MALRD1: variants seen among roughly 807,000 people sequenced by gnomAD.
MALRD1 encodes MAM and LDL-receptor class A domain-containing protein 1.
In MALRD1, 247 loss-of-function variants were observed where a neutral mutation model predicts 242.1. That is an observed-to-expected ratio of 1.02 (90% CI 0.92 to 1.13). The LOEUF is 1.13. Ranked by LOEUF, MALRD1 falls within the 50% of genes most tolerant of loss-of-function variation. MALRD1 has a pLI of 0.00. For synonymous variants in MALRD1, 995 were observed against 866.6 expected, an observed-to-expected ratio of 1.15 and a Z score of -2.60; for missense variants, 2,989 against 2,533.1, an observed-to-expected ratio of 1.18 and a Z score of -3.86.
At chr10:19,517,958 T>C (rs1359007774) in intron 31 of MALRD1, among the ~76,000 whole-genome samples, 1 of 152,216 alleles carries the variant, frequency 6.6e-6, no homozygotes, top group Admixed American at 6.5e-5. Context: ...AGATATGACT[T>C]ATAAATCAGG....
At chr10:19,070,135 A>C (rs1397350582) in intron 2 of MALRD1, among the ~76,000 whole-genome samples, 1 of 152,148 alleles carries the variant, frequency 6.6e-6, no homozygotes, top group East Asian at 1.9e-4. Flanking sequence ...TTCTACTGAT[A>C]ATCCTATCCA....
At chr10:19,646,114 A>T (rs1054859461) in intron 36 of MALRD1, among the ~76,000 whole-genome samples, 16 of 152,076 alleles carry the variant, frequency 1.1e-4, no homozygotes, top group Admixed American at 3.3e-4. Flanking sequence ...AAAACATGAG[A>T]CTGTTTCTTC....
intron 29 of MALRD1, among the ~76,000 whole-genome samples, chr10:19,476,683 G>A (rs369797026): frequency 3.3e-5 from 5 of 152,116 alleles, no homozygotes; most frequent in African/African-American, 4.8e-5. Flanking sequence ...TAGCCTGAGC[G>A]GTCATCTCGA....
chr10:19,727,664 C>G (rs758638693), intron 38 of MALRD1, among the ~76,000 whole-genome samples: 8 of 151,924 alleles, frequency 5.3e-5, no homozygotes, highest in Non-Finnish European at 1.2e-4. Flanking sequence ...TGGTTATATT[C>G]TTTAGAACCT....
intron 38 of MALRD1, among the ~76,000 whole-genome samples, chr10:19,696,253 G>A (rs1038744852): frequency 3.3e-5 from 5 of 152,174 alleles, no homozygotes; most frequent in African/African-American, 1.2e-4. Flanking sequence ...CTCATTCCTA[G>A]TATGGGTTCC....
chr10:19,728,198 A>G (rs1191758291), intron 38 of MALRD1, among the ~76,000 whole-genome samples: 1 of 152,174 alleles, frequency 6.6e-6, no homozygotes, highest in African/African-American at 2.4e-5. Flanking sequence ...CAATACTCAC[A>G]CTGAAACCCT....
intron 38 of MALRD1, among the ~76,000 whole-genome samples, chr10:19,693,436 A>C (rs578060781): frequency 1.8e-3 from 273 of 152,182 alleles, no homozygotes; most frequent in African/African-American, 3.5e-3. Context: ...CAATAACAGA[A>C]AAACAGAGAG....
At chr10:19,185,811 G>C (rs1588668553) in intron 14 of MALRD1, among the ~76,000 whole-genome samples, 1 of 101,560 alleles carries the variant, frequency 9.8e-6, no homozygotes. Flanking sequence ...TATGTTTTGA[G>C]ATAGTGTGTG....
intron 21 of MALRD1, among the ~76,000 whole-genome samples, chr10:19,303,066 G>C (rs996336972): frequency 6.6e-6 from 1 of 151,082 alleles, no homozygotes; most frequent in African/African-American, 2.4e-5. Context: ...GGCTAAATAC[G>C]CAATTGAAAG....
chr10:19,510,085 G>A (rs1406726371), intron 31 of MALRD1, among the ~76,000 whole-genome samples: 2 of 152,180 alleles, frequency 1.3e-5, no homozygotes, highest in African/African-American at 2.4e-5. Flanking sequence ...AAATGTCTCT[G>A]CATCATAAAC....
At chr10:19,159,377 T>C (rs531253938) in intron 12 of MALRD1, among the ~76,000 whole-genome samples, 4 of 152,262 alleles carry the variant, frequency 2.6e-5, no homozygotes, top group African/African-American at 9.6e-5. Context: ...GCTATTCTTA[T>C]CCTTCTGTAT....
intron 14 of MALRD1, among the ~76,000 whole-genome samples, chr10:19,188,257 T>C (rs969560439): frequency 4.6e-5 from 7 of 152,312 alleles, no homozygotes; most frequent in African/African-American, 1.4e-4. Flanking sequence ...TGATAGTTGC[T>C]AAGCAAGGAA....
intron 5 of MALRD1, among the ~76,000 whole-genome samples, chr10:19,110,703 C>T (rs1836647176): frequency 1.3e-5 from 2 of 152,144 alleles, no homozygotes; most frequent in Non-Finnish European, 2.9e-5. Context: ...GGGTCCAGAG[C>T]AAAGCCAGCT....
At chr10:19,732,155 T>TA (rs1189807322) in intron 39 of MALRD1, among the ~76,000 whole-genome samples, 4 of 152,156 alleles carry the variant, frequency 2.6e-5, no homozygotes, top group Non-Finnish European at 2.9e-5. Context: ...ACTTCATGGA[T>TA]AAAAAAACAC....
rs959534879 is a variant in MALRD1, at chr10:19,088,450, T to C, written c.597+265T>C. Among the ~76,000 whole-genome samples the C allele has an allele frequency of 4.6e-5, 7 of 151,692 alleles. No homozygotes were observed. In the East Asian group the frequency reaches 7.8e-4, roughly 17 times the overall value. ...AAGGCATACTAATATATCAGTAAAATATAACCTTTTAATTTTCTCCTAATT... is the reference window on the plus strand; with the variant it reads ...AAGGCATACTAATATATCAGTAAAACATAACCTTTTAATTTTCTCCTAATT... On this transcript the variant is annotated intron_variant, in intron 4 of 39. Transcript: ENST00000454679.
chr10:19,415,750 T>A (rs2130899906), intron 28 of MALRD1, among the ~76,000 whole-genome samples: 1 of 152,266 alleles, frequency 6.6e-6, no homozygotes, highest in East Asian at 1.9e-4. Context: ...AGAGAGACAA[T>A]ACCAAAATTG....
At chr10:19,165,469 A>AT (rs896472738) in intron 12 of MALRD1, among the ~76,000 whole-genome samples, 168 bp from the exon 13 acceptor site, 1 of 151,416 alleles carries the variant, frequency 6.6e-6, no homozygotes, top group East Asian at 1.9e-4. Context: ...CACCCGGCTA[A>AT]TTTTTTTGTA....
chr10:19,592,846 T>C (rs1195047655), intron 33 of MALRD1, among the ~76,000 whole-genome samples: 1 of 151,762 alleles, frequency 6.6e-6, no homozygotes, highest in Non-Finnish European at 1.5e-5. Flanking sequence ...TAGAGAACAT[T>C]ATTTTCCTCA....
intron 32 of MALRD1, among the ~76,000 whole-genome samples, chr10:19,537,807 G>A (rs1834757013): frequency 6.6e-6 from 1 of 151,982 alleles, no homozygotes. Flanking sequence ...CCCTCCTGTA[G>A]GCCCTACCTT....
Sources: allele counts gnomAD v4.1 joint callset (sites outside exome capture counted in the v4.1 genomes callset), GRCh38; gene constraint gnomAD v4.1.1; transcripts MANE v1.5; gene names NCBI Gene and HGNC (gene_info 2026-07-23, HGNC 2026-07-21).